ZDHHC16: variants seen among roughly 807,000 people sequenced by gnomAD.
The protein encoded by ZDHHC16 is zDHHC palmitoyltransferase 16.
Under a neutral mutation model 54.4 loss-of-function variants are expected in ZDHHC16, and 33 were observed. The observed-to-expected ratio is 0.61, with a 90% confidence interval of 0.46 to 0.81. ZDHHC16 has a LOEUF of 0.81. Ranked by LOEUF, ZDHHC16 falls within the 30% of genes least tolerant of loss-of-function variation. ZDHHC16 has a pLI of 0.00. For missense variants in ZDHHC16, 420 were observed against 485.9 expected (o/e 0.86, Z 1.28); for synonymous variants, 185 against 182.1 (o/e 1.02, Z -0.13).
intron 6 of ZDHHC16, among the ~76,000 whole-genome samples, chr10:97,453,186 T>A (rs1846813814): frequency 6.6e-6 from 1 of 152,220 alleles, no homozygotes; most frequent in Non-Finnish European, 1.5e-5. Flanking sequence ...CTTCTGTGGT[T>A]GTTTACTGTG....
chr10:97,451,352 C>G (rs1846591345), intron 2 of ZDHHC16, among the ~76,000 whole-genome samples: 1 of 152,210 alleles, frequency 6.6e-6, no homozygotes, highest in Non-Finnish European at 1.5e-5. Flanking sequence ...TTGGAGTGGC[C>G]TTTCTCACCC....
intron 1 of ZDHHC16, chr10:97,448,396 AG>A (rs926014034): frequency 9.2e-5 from 14 of 152,344 alleles, no homozygotes; most frequent in African/African-American, 2.9e-4. Flanking sequence ...CACTTACCAA[AG>A]AAGTTTGCTC....
chr10:97,453,988 G>T, intron 8 of ZDHHC16, 142 bp downstream of exon 8: 1 of 1,151,518 alleles, frequency 8.7e-7, no homozygotes, highest in Non-Finnish European at 1.2e-6. Flanking sequence ...GTTCAGGCAG[G>T]CTGGCTGTGG....
In ZDHHC16 at chr10:97,452,693, C is replaced by T; in HGVS notation, c.527+190C>T. 4 of 933,066 alleles carry T rather than the reference C, an allele frequency of 4.3e-6. No homozygotes were observed. In the South Asian group the frequency reaches 6.6e-5, roughly 15 times the overall value. The allele number at this position is 933,066 out of a possible 1,614,324, so 57.8% of individuals were successfully genotyped here. ...TAGGCATTATTACCACTTGTGAAAA[C>T]CGAGGTTTGGAGAGATGAGTTACCT... On this transcript the variant is annotated intron_variant, in intron 5 of 11. Coordinates refer to ENST00000393760, the MANE Select transcript of ZDHHC16 (RefSeq NM_198046.3).
rs759199685 is a variant in ZDHHC16 at position 97,455,765 on chromosome 10, G to A, written c.930G>A (p.Arg310=). 6.2e-7 allele frequency: 1 copy of A among 1,614,176 alleles called. No homozygotes were observed. Among genetic ancestry groups the A allele is most frequent in the East Asian group, 2.2e-5 (1 of 44,878 alleles). ...ERHINKKERR[R]LQAKGRVFRN... Reference sequence around the variant, plus strand: ...ACATCAACAAGAAGGAGAGACGTCGGCTACAGGCCAAGGGCAGAGTGAGTA... The same window carrying A: ...ACATCAACAAGAAGGAGAGACGTCGACTACAGGCCAAGGGCAGAGTGAGTA... The change falls in exon 10 of 12, where the codon CGG becomes CGA. Residue 310 remains arginine, a synonymous_variant. Transcript: ENST00000393760.
chr10:97,451,859 G>A lies in ZDHHC16; in HGVS notation c.184G>A (p.Asp62Asn). ...NSFGGSDTAV[D>N]AAFEPVYWLV... ...CTTTGGGGGCAGTGACACCGCTGTT[G>A]ATGCTGCCTTTGAGCCTGTCTACTG... Residue 62 changes from aspartate to asparagine, a missense_variant, in exon 3 of 12, where the codon GAT (aspartate) becomes AAT (asparagine). Coordinates refer to ENST00000393760, the MANE Select transcript of ZDHHC16 (RefSeq NM_198046.3). The A allele has an allele frequency of 6.2e-7, 1 of 1,614,216 alleles. No individual in the cohort carries two copies.
rs1846662222 is a variant in ZDHHC16 at position 97,451,910 on chromosome 10, T to C, written c.235T>C (p.Phe79Leu). 6 of 1,610,774 alleles carry C rather than the reference T, an allele frequency of 3.7e-6. No individual in the cohort carries two copies. The highest frequency in any genetic ancestry group is 5.1e-6 in the Non-Finnish European group (6 of 1,178,050). ...GCTGGTAGACAACGTGATCCGCTGG[T>C]TTGGAGTGGTGAGTGATGTCCAGGG... is the stretch of plus-strand genomic sequence containing the variant. Reference protein sequence around the residue: ...YWLVDNVIRWFGVVFVVLVIV... With the variant: ...YWLVDNVIRWLGVVFVVLVIV... The change falls in exon 3 of 12, where the codon TTT becomes CTT. Residue 79 changes from phenylalanine to leucine, a missense_variant. Phe to Leu is a conservative substitution (Grantham distance 22). Coordinates refer to ENST00000393760, the MANE Select transcript of ZDHHC16 (RefSeq NM_198046.3).
Position 97,452,284 on chromosome 10 carries a change from G to C in ZDHHC16, c.438G>C (p.Gln146His). 1 of 1,614,132 alleles carries C rather than the reference G, an allele frequency of 6.2e-7. No individual in the cohort carries two copies. Among genetic ancestry groups the C allele is most frequent in the Non-Finnish European group, 8.5e-7 (1 of 1,180,028 alleles). ...CCACTCCGCCTGGGTACCCACCCCAGGTGGGTCCTCACAGGAGCACTGGGG... is the reference window on the plus strand; with the variant it reads ...CCACTCCGCCTGGGTACCCACCCCACGTGGGTCCTCACAGGAGCACTGGGG... ...AITTPPGYPP[Q>H]GRNDIATVSI... is the part of the protein sequence containing the mutation. The change falls in exon 4 of 12, where the codon CAG becomes CAC. Residue 146 changes from glutamine to histidine, a missense_variant and splice_region_variant. Transcript: ENST00000393760.
rs143451828 is a variant in ZDHHC16 at position 97,452,096 on chromosome 10, G to A, written c.250G>A (p.Val84Met). ...ACCTTGCTGGTGTTGGCAGGTGTTC[G>A]TGGTCCTGGTGATCGTGCTGACAGG... is the stretch of plus-strand genomic sequence containing the variant. The part of the protein sequence containing the change: ...NVIRWFGVVF[V>M]VLVIVLTGSI... The change falls in exon 4 of 12, where the codon GTG becomes ATG. Residue 84 changes from valine to methionine, a missense_variant. Transcript: ENST00000393760. The A allele has an allele frequency of 9.3e-6, 15 of 1,613,780 alleles. No homozygotes were observed. Among genetic ancestry groups the A allele is most frequent in the South Asian group, 2.2e-5 (2 of 91,082 alleles).
chr10:97,455,777 G>T lies in ZDHHC16; in HGVS notation c.942G>T (p.Lys314Asn), dbSNP rs1847117356. Residue 314 changes from lysine to asparagine, a missense_variant, in exon 10 of 12, where the codon AAG becomes AAT. Coordinates refer to ENST00000393760, the MANE Select transcript of ZDHHC16 (RefSeq NM_198046.3). ...AGGAGAGACGTCGGCTACAGGCCAAGGGCAGAGTGAGTAGGGTTGAAGGCT... is the reference window on the plus strand; with the variant it reads ...AGGAGAGACGTCGGCTACAGGCCAATGGCAGAGTGAGTAGGGTTGAAGGCT... ...NKKERRRLQA[K>N]GRVFRNPYNY... 1.9e-6 allele frequency: 3 copies of T among 1,614,078 alleles called. No homozygotes were observed. The East Asian group carries it at 6.7e-5, about 36-fold the overall frequency.
intron 8 of ZDHHC16, among the ~76,000 whole-genome samples, chr10:97,454,363 G>A (rs1043000284): frequency 6.6e-6 from 1 of 152,204 alleles, no homozygotes; most frequent in Non-Finnish European, 1.5e-5. Context: ...TCCATTCTGG[G>A]TATGGTCTGG....
Position 97,456,790 on chromosome 10 carries a change from C to A in ZDHHC16, c.1033C>A (p.Arg345=), listed in dbSNP as rs753022921. Residue 345 remains arginine, a synonymous_variant, in exon 12 of 12, where the codon CGG becomes AGG. Coordinates refer to ENST00000393760, the MANE Select transcript of ZDHHC16 (RefSeq NM_198046.3). ...CTTCTCTTCTAGGCACTGGCTTACT[C>A]GGGTGCTCTTACCTTCTAGTCACTT... ...GVDTGRHWLT[R]VLLPSSHLPH... 3 of 1,612,236 alleles carry A rather than the reference C, an allele frequency of 1.9e-6. No homozygotes were observed. In the African/African-American group the frequency reaches 4.0e-5, roughly 22 times the overall value.
intron 8 of ZDHHC16, among the ~76,000 whole-genome samples, chr10:97,454,316 G>A (rs112338205): frequency 3.3e-5 from 5 of 152,204 alleles, no homozygotes; most frequent in African/African-American, 1.2e-4. Flanking sequence ...CCCTAGTGGA[G>A]CTCACAGTCC....
rs375820825 is a variant in ZDHHC16 at position 97,452,227 on chromosome 10, C to A, written c.381C>A (p.Ile127=). Residue 127 remains isoleucine, a synonymous_variant, in exon 4 of 12, where the codon ATC becomes ATA. Coordinates refer to ENST00000393760, the MANE Select transcript of ZDHHC16 (RefSeq NM_198046.3). ...WHFFYSHWNL[I]LIVFHYYQAI... is the part of the protein sequence containing the mutation. ...TCTTCTATAGCCACTGGAATCTGAT[C>A]CTGATTGTCTTCCACTACTACCAGG... The A allele has an allele frequency of 2.5e-6, 4 of 1,614,168 alleles. No individual in the cohort carries two copies. The East Asian group carries it at 8.9e-5, about 36-fold the overall frequency.
At chr10:97,446,555 C>T (rs996259269) in intron 1 of ZDHHC16, among the ~76,000 whole-genome samples, 1 of 152,204 alleles carries the variant, frequency 6.6e-6, no homozygotes, top group Non-Finnish European at 1.5e-5. Flanking sequence ...CGACCCAACT[C>T]GTCTGTTTCA....
chr10:97,451,283 G>A, intron 2 of ZDHHC16: 1 of 197,500 alleles, frequency 5.1e-6, no homozygotes, highest in South Asian at 1.1e-4. Flanking sequence ...CTTTGTCCAT[G>A]TTGGCCACAC....
intron 5 of ZDHHC16, 102 bp downstream of exon 5, chr10:97,452,605 A>C: frequency 7.8e-7 from 1 of 1,284,528 alleles, no homozygotes. Context: ...TGAATCACCC[A>C]TCGTGTCCCA....
chr10:97,456,148 A>G, intron 11 of ZDHHC16, 104 bp downstream of exon 11: 1 of 1,197,226 alleles, frequency 8.4e-7, no homozygotes, highest in Non-Finnish European at 1.2e-6. Context: ...CTACTGTGTT[A>G]GCACAGTTCT....
In ZDHHC16 at chr10:97,452,266, G is replaced by A. The variant is rs777185069; in HGVS notation, c.420G>A (p.Pro140=). The A allele has an allele frequency of 1.9e-5, 30 of 1,613,952 alleles. No individual in the cohort carries two copies. The highest frequency in any genetic ancestry group is 1.6e-4 in the Middle Eastern group (1 of 6,084). ...ACTACTACCAGGCCATCACCACTCC[G>A]CCTGGGTACCCACCCCAGGTGGGTC... ...VFHYYQAITT[P]PGYPPQGRND... The change falls in exon 4 of 12, where the codon CCG becomes CCA. Residue 140 remains proline (P), a synonymous_variant. Transcript: ENST00000393760.
Sources: gnomAD v4.1 joint callset for allele counts (sites outside exome capture counted in the v4.1 genomes callset) on GRCh38, gnomAD v4.1.1 for gene constraint, MANE v1.5 for transcripts, NCBI Gene and HGNC (gene_info 2026-07-23, HGNC 2026-07-21) for gene names.